Variants in RABEP1 observed in about 807,000 individuals in gnomAD.
RABEP1 encodes the protein rabaptin, RAB GTPase binding effector protein 1, also known as rab GTPase-binding effector protein 1.
Under a neutral mutation model 123.4 loss-of-function variants are expected in RABEP1, and 51 were observed. The observed-to-expected ratio is 0.41, with a 90% CI of 0.33 to 0.52. The LOEUF (loss-of-function observed/expected upper bound fraction) is 0.52. RABEP1 is among the 20% of genes least tolerant of loss of function. The pLI is 0.16. For synonymous variants in RABEP1, 347 were observed against 355.2 expected, an observed-to-expected ratio of 0.98 and a Z score of 0.26; for missense variants, 888 against 996.3, an observed-to-expected ratio of 0.89 and a Z score of 1.46.
chr17:5,370,414 T>C (rs1910435358), intron 12 of RABEP1, among the ~76,000 whole-genome samples: 1 of 152,256 alleles, frequency 6.6e-6, no homozygotes, highest in South Asian at 2.1e-4. Flanking sequence ...TTGATTACTT[T>C]TTAGTGGTGG....
Position 5,330,969 on chromosome 17 carries a change from G to T in RABEP1, c.164-980G>T, listed in dbSNP as rs576088626. On this transcript the variant is annotated intron_variant, in intron 2 of 17. Transcript: ENST00000537505. ...AGCCCAGGAATTTGAGGTTATAGTGGTCTATGTTTGCGTCACTGCACTCCA... is the reference window on the plus strand; with the variant it reads ...AGCCCAGGAATTTGAGGTTATAGTGTTCTATGTTTGCGTCACTGCACTCCA... 4.7e-5 allele frequency among the ~76,000 whole-genome samples: 7 copies of T among 150,266 alleles called. No homozygotes were observed. In the East Asian group the frequency reaches 1.4e-3, roughly 29 times the overall value.
chr17:5,314,637 G>A (rs2075278558), intron 2 of RABEP1, among the ~76,000 whole-genome samples: 1 of 151,052 alleles, frequency 6.6e-6, no homozygotes, highest in South Asian at 2.1e-4. Context: ...TCCTCCCTCA[G>A]CCTCCCGAGT....
intron 1 of RABEP1, among the ~76,000 whole-genome samples, chr17:5,293,409 G>A (rs551460413): frequency 2.0e-5 from 3 of 151,838 alleles, no homozygotes; most frequent in South Asian, 4.2e-4. Flanking sequence ...TATTTTCCAT[G>A]TTTTTTCTTA....
At position 5,357,451 on chromosome 17, in the gene RABEP1, A is replaced by G. The variant is rs777161312; in HGVS notation, c.1095+2961A>G. Among the ~76,000 whole-genome samples, 4 of 151,980 alleles carry G rather than the reference A, an allele frequency of 2.6e-5. No homozygotes were observed. In the East Asian group the frequency reaches 7.8e-4, roughly 30 times the overall value. On this transcript the variant is annotated intron_variant, in intron 8 of 17. Transcript: ENST00000537505. ...CTATGGCGTGATCTTGGCTCACTGC[A>G]GCCTCCACCTCTTGGGTTCAAGCGA...
Position 5,323,819 on chromosome 17 carries a change from A to AATATATATATATATCTAGGAATAT in RABEP1, c.164-8119_164-8096dup, listed in dbSNP as rs1567522193. ...CTAGGAATATATATATATATCTAGGAATATATATATATATCTAGGAATATA... is the reference window on the plus strand; with the variant it reads ...CTAGGAATATATATATATATCTAGGAATATATATATATATCTAGGAATATATATATATATATATCTAGGAATATA... On this transcript the variant is annotated intron_variant, in intron 2 of 17. Transcript: ENST00000537505. Among the ~76,000 whole-genome samples the AATATATATATATATCTAGGAATAT allele has an allele frequency of 6.6e-4, 47 of 70,878 alleles. 1 individual carries two copies. Among genetic ancestry groups the AATATATATATATATCTAGGAATAT allele is most frequent in the African/African-American group, 1.5e-3 (20 of 13,060 alleles). 46.5% of individuals were successfully genotyped at this position (70,878 alleles called of 152,430 possible).
At chr17:5,360,920 C>A in intron 8 of RABEP1, 2 of 357,864 alleles carry the variant, frequency 5.6e-6, no homozygotes, top group Non-Finnish European at 1.0e-5. Flanking sequence ...AGCTCCAGCC[C>A]ATCCTTTTAT....
At chr17:5,360,479 G>A (rs909113497) in intron 8 of RABEP1, among the ~76,000 whole-genome samples, 2 of 152,222 alleles carry the variant, frequency 1.3e-5, no homozygotes, top group Non-Finnish European at 2.9e-5. Flanking sequence ...GGAGAATGGC[G>A]TGAGCCCGGG....
In RABEP1 at chr17:5,282,528, G is replaced by T. The variant is rs2074935123; in HGVS notation, c.34+8G>T. ...CGGCTTCCCAGCCTGACGGTGAGGCGCCCACCATGGCAGGCGCGGCGGGCG... is the reference window on the plus strand; with the variant it reads ...CGGCTTCCCAGCCTGACGGTGAGGCTCCCACCATGGCAGGCGCGGCGGGCG... On this transcript the variant is annotated splice_region_variant and intron_variant, in intron 1 of 17. Transcript: ENST00000537505. 6 of 1,210,510 alleles carry T rather than the reference G, an allele frequency of 5.0e-6. No homozygotes were observed. The African/African-American group carries it at 7.9e-5, about 16-fold the overall frequency. The allele number at this position is 1,210,510 out of a possible 1,614,324, so 75.0% of individuals were successfully genotyped here.
At chr17:5,345,118 C>T (rs1907964523) in intron 5 of RABEP1, among the ~76,000 whole-genome samples, 1 of 152,068 alleles carries the variant, frequency 6.6e-6, no homozygotes, top group African/African-American at 2.4e-5. Flanking sequence ...ATCATTTTAC[C>T]CTAACCAGGT....
intron 15 of RABEP1, 38 bp from the exon 16 acceptor site, chr17:5,380,326 G>C: frequency 7.1e-7 from 1 of 1,417,466 alleles, no homozygotes. Flanking sequence ...GGGCCCAGAG[G>C]GAGTTTCTGT....
At chr17:5,356,749 C>T (rs1239557563) in intron 8 of RABEP1, among the ~76,000 whole-genome samples, 1 of 151,398 alleles carries the variant, frequency 6.6e-6, no homozygotes, top group East Asian at 1.9e-4. Flanking sequence ...CTCCCGGGCT[C>T]AAGCGGTCCT....
chr17:5,331,830 T>A, intron 2 of RABEP1, 119 bp from the exon 3 acceptor site: 1 of 837,640 alleles, frequency 1.2e-6, no homozygotes, highest in Non-Finnish European at 1.8e-6. Flanking sequence ...ATCTCACCTC[T>A]ATTAAAAGGG....
intron 1 of RABEP1, among the ~76,000 whole-genome samples, chr17:5,287,598 C>CAA (rs55858409): frequency 8.2e-5 from 5 of 61,188 alleles, no homozygotes; most frequent in African/African-American, 2.0e-4. Context: ...GACTCTGTCG[C>CAA]AAAAAAAAAA....
intron 1 of RABEP1, among the ~76,000 whole-genome samples, chr17:5,296,808 A>G (rs2075087727): frequency 1.3e-5 from 2 of 152,156 alleles, no homozygotes; most frequent in Non-Finnish European, 2.9e-5. Context: ...GTGCAGTGGT[A>G]CAGTCATGGC....
In RABEP1 at chr17:5,325,178, A is replaced by C. The variant is rs78287151; in HGVS notation, c.164-6771A>C. Among the ~76,000 whole-genome samples the C allele has an allele frequency of 7.5e-3, 1,134 of 150,568 alleles. 33 individuals carry two copies. The highest frequency in any genetic ancestry group is 0.051 in the Admixed American group (764 of 15,120). ...AAAAGCAAAAACAAACCAAAAAAAA[A>C]CCCAAAAATTATCTAGGCGTAGTGG... On this transcript the variant is annotated intron_variant, in intron 2 of 17. Transcript: ENST00000537505.
intron 15 of RABEP1, 56 bp downstream of exon 15, chr17:5,378,288 C>G: frequency 7.1e-7 from 1 of 1,417,718 alleles, no homozygotes; most frequent in African/African-American, 1.4e-5. Flanking sequence ...TTTACTGACT[C>G]CTACTATGCT....
At chr17:5,327,920 GGGACAATGGGCATA>G (rs1226332564) in intron 2 of RABEP1, among the ~76,000 whole-genome samples, 1 of 152,118 alleles carries the variant, frequency 6.6e-6, no homozygotes, top group African/African-American at 2.4e-5. Context: ...GGAAAAGACT[GGGACAATGGGCATA>G]GGACAATGAG....
chr17:5,358,075 T>C lies in RABEP1; in HGVS notation c.1096-3133T>C, dbSNP rs1909183522. Among the ~76,000 whole-genome samples the C allele has an allele frequency of 3.3e-5, 5 of 152,070 alleles. No individual in the cohort carries two copies. The South Asian group carries it at 1.0e-3, about 31-fold the overall frequency. Reference sequence around the variant, plus strand: ...GGATATGGGTTTGGGATTGAATGGTTTGTGTGTGAAAGGCATGTTTACAGT... The same window carrying C: ...GGATATGGGTTTGGGATTGAATGGTCTGTGTGTGAAAGGCATGTTTACAGT... On this transcript the variant is annotated intron_variant, in intron 8 of 17. Coordinates refer to ENST00000537505, the MANE Select transcript of RABEP1 (RefSeq NM_004703.6).
Position 5,373,303 on chromosome 17 carries a change from T to C in RABEP1, c.1885-11T>C. On this transcript the variant is annotated splice_polypyrimidine_tract_variant and intron_variant, in intron 12 of 17. Coordinates refer to ENST00000537505, the MANE Select transcript of RABEP1 (RefSeq NM_004703.6). ...CTTTCTGGCTGTGATTAGTATCTAC[T>C]TCTATTTTAGGCGGTGCTGATGCAG... 1 of 1,610,048 alleles carries C rather than the reference T, an allele frequency of 6.2e-7. No homozygotes were observed. Among genetic ancestry groups the C allele is most frequent in the Non-Finnish European group, 8.5e-7 (1 of 1,178,270 alleles).
Sources: gnomAD v4.1 joint callset for allele counts (sites outside exome capture counted in the v4.1 genomes callset) on GRCh38, gnomAD v4.1.1 for gene constraint, MANE v1.5 for transcripts, NCBI Gene and HGNC (gene_info 2026-07-23, HGNC 2026-07-21) for gene names.